Variants in CUX2 observed in about 807,000 individuals in gnomAD.
CUX2 encodes the protein homeobox protein cut-like 2.
In CUX2, 40 loss-of-function variants were observed where a neutral mutation model predicts 144.8. That is an observed-to-expected ratio of 0.28 (90% CI 0.21 to 0.36). The LOEUF (loss-of-function observed/expected upper bound fraction) is 0.36, where lower values mean the gene tolerates loss of function less well. Ranked by LOEUF, CUX2 falls within the 10% of genes least tolerant of loss-of-function variation. The pLI, the probability that CUX2 is intolerant of heterozygous loss-of-function variation, is 1.00. For synonymous variants in CUX2, 827 were observed against 875.6 expected (o/e 0.94, Z 0.98); for missense variants, 1,615 against 1,994.0 (o/e 0.81, Z 3.62).
chr12:111,320,670 G>A lies in CUX2; in HGVS notation c.2661G>A (p.Gln887=), dbSNP rs1469170460. 5 of 1,597,264 alleles carry A rather than the reference G, an allele frequency of 3.1e-6. No individual in the cohort carries two copies. In the African/African-American group the frequency reaches 4.0e-5, roughly 13 times the overall value. Reference sequence around the variant, plus strand: ...CCGTGCCGCCGCTGACCCCCGAGCAGTACGAGCTGTACATGTACCGTGAGG... The same window carrying A: ...CCGTGCCGCCGCTGACCCCCGAGCAATACGAGCTGTACATGTACCGTGAGG... ...KPTVPPLTPE[Q]YELYMYREVD... is the part of the protein sequence containing the mutation. The change falls in exon 17 of 22, where the codon CAG becomes CAA. Residue 887 remains glutamine (Q), a synonymous_variant. Transcript: ENST00000261726. The surrounding 1 kb of genome is among the most constrained non-coding windows in gnomAD (Gnocchi z 8.1).
At chr12:111,334,956 G>A (rs779691549) in intron 19 of CUX2, among the ~76,000 whole-genome samples, 14 of 152,200 alleles carry the variant, frequency 9.2e-5, no homozygotes, top group Non-Finnish European at 1.3e-4. Flanking sequence ...AACTTCACAC[G>A]TGTTGGTGCA....
chr12:111,315,441 G>C (rs1414241250), intron 16 of CUX2, among the ~76,000 whole-genome samples: 3 of 152,188 alleles, frequency 2.0e-5, no homozygotes, highest in African/African-American at 7.2e-5. Flanking sequence ...ATGGGGCCGG[G>C]CACAGTGGCT....
chr12:111,216,845 T>A (rs1226103758), intron 2 of CUX2, among the ~76,000 whole-genome samples: 1 of 152,148 alleles, frequency 6.6e-6, no homozygotes, highest in Non-Finnish European at 1.5e-5. Flanking sequence ...AGCAACACAG[T>A]GTTATTTGCA....
chr12:111,225,023 A>T (rs543331741), intron 3 of CUX2, among the ~76,000 whole-genome samples: 8 of 152,200 alleles, frequency 5.3e-5, no homozygotes, highest in African/African-American at 1.9e-4. Context: ...CTCCCACCTC[A>T]GCCTCCCGAG....
chr12:111,135,142 CTG>C (rs1875779052), intron 1 of CUX2, among the ~76,000 whole-genome samples: 1 of 150,708 alleles, frequency 6.6e-6, no homozygotes, highest in African/African-American at 2.4e-5. Context: ...GAGAGAAAGA[CTG>C]TAAATAGTAG....
chr12:111,137,699 G>C (rs1475421606), intron 1 of CUX2, among the ~76,000 whole-genome samples: 3 of 151,926 alleles, frequency 2.0e-5, no homozygotes, highest in Non-Finnish European at 2.9e-5. Context: ...TTTTTTCATA[G>C]AGATTGGGTC....
intron 1 of CUX2, among the ~76,000 whole-genome samples, chr12:111,179,595 T>G (rs1302355677): frequency 9.6e-6 from 1 of 103,956 alleles, no homozygotes; most frequent in African/African-American, 3.9e-5. Flanking sequence ...ATCGCCGTGG[T>G]TGTTGTTGTT....
At chr12:111,308,633 C>T (rs1417261697) in intron 14 of CUX2, 107 bp downstream of exon 14, 17 of 928,040 alleles carry the variant, frequency 1.8e-5, no homozygotes, top group East Asian at 2.6e-5. Context: ...GGCAGGAGAA[C>T]GACAGAACAA....
At chr12:111,200,272 G>A (rs896471509) in intron 1 of CUX2, among the ~76,000 whole-genome samples, 2 of 151,954 alleles carry the variant, frequency 1.3e-5, no homozygotes, top group African/African-American at 4.8e-5. Flanking sequence ...GGGGGTCTCG[G>A]GTGCAGCTTC....
intron 1 of CUX2, among the ~76,000 whole-genome samples, chr12:111,064,873 G>C (rs947833671): frequency 6.6e-6 from 1 of 152,192 alleles, no homozygotes; most frequent in African/African-American, 2.4e-5. Flanking sequence ...ATAAAGCACT[G>C]GGCCCAATGC....
chr12:111,036,406 C>A (rs1869447924), intron 1 of CUX2, among the ~76,000 whole-genome samples: 1 of 152,226 alleles, frequency 6.6e-6, no homozygotes, highest in Non-Finnish European at 1.5e-5. Context: ...TCACTGTCTT[C>A]AGTCTTCTAC....
chr12:111,342,686 C>T (rs1163674376), intron 21 of CUX2, among the ~76,000 whole-genome samples: 1 of 151,888 alleles, frequency 6.6e-6, no homozygotes, highest in African/African-American at 2.4e-5. Context: ...AGGCCAGGCG[C>T]GGTGGCTCAC....
chr12:111,136,288 T>TGA (rs1875883881), intron 1 of CUX2, among the ~76,000 whole-genome samples: 1 of 151,454 alleles, frequency 6.6e-6, no homozygotes, highest in Non-Finnish European at 1.5e-5. Flanking sequence ...ACGTGGGAAG[T>TGA]GAGAGAGAGA....
At chr12:111,342,674 G>A (rs1420686099) in intron 21 of CUX2, among the ~76,000 whole-genome samples, 2 of 151,672 alleles carry the variant, frequency 1.3e-5, no homozygotes, top group East Asian at 3.9e-4. Context: ...TACCTAGCGT[G>A]TAGGCCAGGC....
At chr12:111,210,729 C>G (rs922395710) in intron 1 of CUX2, among the ~76,000 whole-genome samples, 4 of 151,416 alleles carry the variant, frequency 2.6e-5, no homozygotes, top group Non-Finnish European at 5.9e-5. Flanking sequence ...CCTGGGAGGT[C>G]GAGGCTGCAG....
intron 3 of CUX2, among the ~76,000 whole-genome samples, chr12:111,220,727 T>G (rs1881800072): frequency 2.2e-5 from 2 of 90,484 alleles, no homozygotes; most frequent in African/African-American, 8.8e-5. Flanking sequence ...GGCAATATAA[T>G]GAGACCTCAT....
At chr12:111,309,173 G>A (rs918565899) in intron 14 of CUX2, among the ~76,000 whole-genome samples, 1 of 152,174 alleles carries the variant, frequency 6.6e-6, no homozygotes, top group Non-Finnish European at 1.5e-5. Context: ...CCAAAGTGCT[G>A]GGATTACAGG....
At chr12:111,064,585 C>T (rs1201570408) in intron 1 of CUX2, among the ~76,000 whole-genome samples, 1 of 152,174 alleles carries the variant, frequency 6.6e-6, no homozygotes, top group African/African-American at 2.4e-5. Flanking sequence ...GGAGACTTAG[C>T]ATTTTGCATG....
At chr12:111,202,391 C>T (rs7972507) in intron 1 of CUX2, among the ~76,000 whole-genome samples, 4,625 of 152,248 alleles carry the variant, frequency 0.03, 99 homozygotes, top group Non-Finnish European at 0.045. Context: ...CTCTGGTTTT[C>T]GGGGCTTGCC....
Sources: gnomAD v4.1 joint callset for allele counts (sites outside exome capture counted in the v4.1 genomes callset) on GRCh38, gnomAD v4.1.1 for gene constraint, Gnocchi (gnomAD v3.1) non-coding constraint, MANE v1.5 for transcripts, NCBI Gene and HGNC (gene_info 2026-07-23, HGNC 2026-07-21) for gene names.